ATG10: variants seen among roughly 807,000 people sequenced by gnomAD.
ATG10 encodes ubiquitin-like-conjugating enzyme ATG10.
ATG10 carries 30 observed loss-of-function variants against 32.1 expected under a neutral mutation model. The ratio of observed to expected loss-of-function variants is 0.94; its 90% CI spans 0.70 to 1.27. The LOEUF is 1.27. Ranked by LOEUF, ATG10 falls within the 50% of genes most tolerant of loss-of-function variation. The probability of loss-of-function intolerance (pLI) is 0.00; values close to 1 mark genes in which losing one functional copy is unlikely to be tolerated. For missense variants in ATG10, 233 were observed against 262.3 expected (o/e 0.89, Z 0.77); for synonymous variants, 87 against 91.5 (o/e 0.95, Z 0.28).
chr5:81,981,569 C>T (rs1442559271), intron 1 of ATG10, among the ~76,000 whole-genome samples: 2 of 152,200 alleles, frequency 1.3e-5, no homozygotes, highest in African/African-American at 4.8e-5. Flanking sequence ...CTAGGAGGGA[C>T]AAGTATTCAG....
intron 3 of ATG10, among the ~76,000 whole-genome samples, chr5:82,157,939 C>T (rs1163754140): frequency 6.6e-6 from 1 of 152,134 alleles, no homozygotes; most frequent in Non-Finnish European, 1.5e-5. Context: ...TACGTTTGCT[C>T]AGTAATAGTA....
In ATG10 at chr5:82,093,265, C is replaced by T. The variant is rs77129529; in HGVS notation, c.216+34663C>T. On this transcript the variant is annotated intron_variant, in intron 3 of 7. Transcript: ENST00000282185. ...TATATTAGGCCACTGGAGATTGCCA[C>T]ATAGCTCACTGATGCTCTGTTCATT... Among the ~76,000 whole-genome samples, 252 of 152,314 alleles carry T rather than the reference C, an allele frequency of 1.7e-3. 9 individuals are homozygous for T. The East Asian group carries it at 0.042, about 25-fold the overall frequency.
chr5:82,114,017 A>AT (rs1275980418), intron 3 of ATG10, among the ~76,000 whole-genome samples: 2 of 151,758 alleles, frequency 1.3e-5, no homozygotes, highest in Non-Finnish European at 2.9e-5. Context: ...TTAGTCTATG[A>AT]TTTTTTTCTT....
intron 3 of ATG10, among the ~76,000 whole-genome samples, chr5:82,122,961 A>G (rs1032936048): frequency 6.6e-6 from 1 of 152,216 alleles, no homozygotes; most frequent in Non-Finnish European, 1.5e-5. Flanking sequence ...AACTCCTTAA[A>G]TAGCTAAAAA....
intron 3 of ATG10, among the ~76,000 whole-genome samples, chr5:82,139,461 C>T (rs1463038441): frequency 9.1e-5 from 12 of 131,158 alleles, no homozygotes; most frequent in Admixed American, 5.2e-4. Flanking sequence ...GGCCGCCCAT[C>T]GTCTGAGATG....
chr5:82,157,778 A>G (rs1218181342), intron 3 of ATG10, among the ~76,000 whole-genome samples: 1 of 152,204 alleles, frequency 6.6e-6, no homozygotes, highest in Non-Finnish European at 1.5e-5. Flanking sequence ...TTGTGATGAG[A>G]TGGTTTCTGT....
chr5:81,972,056 C>G lies in ATG10; in HGVS notation c.-263C>G, dbSNP rs982054266. 1.3e-5 allele frequency: 2 copies of G among 151,812 alleles called. No individual in the cohort carries two copies. Among genetic ancestry groups the G allele is most frequent in the African/African-American group, 4.9e-5 (2 of 41,236 alleles). 9.4% of individuals were successfully genotyped at this position (151,812 alleles called of 1,614,324 possible). A position where few individuals can be genotyped will look rare whatever the true frequency, so the allele number is the denominator to read the frequency against. ...CACGCTCCGACTCGGCCGTGGCGGACCTGACTGAAGGAGGCCGCGGACCTG... is the reference window on the plus strand; with the variant it reads ...CACGCTCCGACTCGGCCGTGGCGGAGCTGACTGAAGGAGGCCGCGGACCTG... On this transcript the variant is annotated 5_prime_UTR_variant, in exon 1 of 8. Coordinates refer to ENST00000282185, the MANE Select transcript of ATG10 (RefSeq NM_031482.5).
intron 2 of ATG10, among the ~76,000 whole-genome samples, chr5:82,028,974 T>A (rs1762669686): frequency 6.6e-6 from 1 of 152,192 alleles, no homozygotes; most frequent in Non-Finnish European, 1.5e-5. Flanking sequence ...TAGAAAAGAA[T>A]AATTATTAAG....
At chr5:82,163,747 T>C (rs1172603420) in intron 3 of ATG10, among the ~76,000 whole-genome samples, 1 of 152,202 alleles carries the variant, frequency 6.6e-6, no homozygotes, top group African/African-American at 2.4e-5. Flanking sequence ...GAGATGACTA[T>C]CATCATCTCT....
intron 5 of ATG10, among the ~76,000 whole-genome samples, chr5:82,195,157 C>CACTTCTTGAT (rs1744804205): frequency 6.6e-6 from 1 of 152,174 alleles, no homozygotes; most frequent in African/African-American, 2.4e-5. Context: ...CTTCTTGATG[C>CACTTCTTGAT]ACAAGCCTGA....
At chr5:82,056,048 A>G (rs1763584692) in intron 2 of ATG10, among the ~76,000 whole-genome samples, 1 of 152,188 alleles carries the variant, frequency 6.6e-6, no homozygotes. Context: ...GAATAGCCCA[A>G]TGACGTGTTT....
intron 5 of ATG10, among the ~76,000 whole-genome samples, chr5:82,248,063 G>A (rs570416223): frequency 1.4e-4 from 22 of 152,190 alleles, no homozygotes; most frequent in South Asian, 8.3e-4. Flanking sequence ...TTGGGAACAC[G>A]CTAAAAACTC....
At chr5:82,153,615 C>A (rs1767691478) in intron 3 of ATG10, among the ~76,000 whole-genome samples, 1 of 151,958 alleles carries the variant, frequency 6.6e-6, no homozygotes, top group Non-Finnish European at 1.5e-5. Context: ...GATTAGGATA[C>A]TAAAATGATC....
intron 2 of ATG10, among the ~76,000 whole-genome samples, chr5:82,037,899 A>T (rs1489345721): frequency 3.9e-5 from 6 of 152,116 alleles, no homozygotes; most frequent in African/African-American, 1.4e-4. Flanking sequence ...TCATTTGTGG[A>T]TTCAACTTGA....
chr5:81,981,018 G>C (rs1341867961), intron 1 of ATG10, among the ~76,000 whole-genome samples: 1 of 152,130 alleles, frequency 6.6e-6, no homozygotes, highest in Non-Finnish European at 1.5e-5. Context: ...CTTTGATTTG[G>C]AATATGTATT....
intron 2 of ATG10, among the ~76,000 whole-genome samples, chr5:82,010,990 G>T (rs188180694): frequency 4.6e-5 from 7 of 152,242 alleles, no homozygotes; most frequent in Admixed American, 3.9e-4. Context: ...GTCCAACTTG[G>T]AGCTAAAACT....
intron 1 of ATG10, chr5:81,973,090 T>C (rs756410449): frequency 6.6e-6 from 1 of 152,254 alleles, no homozygotes; most frequent in Non-Finnish European, 1.5e-5. Context: ...ACAGTACTCC[T>C]AAAGGTTGTA....
At chr5:82,217,544 T>A (rs1033531394) in intron 5 of ATG10, among the ~76,000 whole-genome samples, 43 of 152,194 alleles carry the variant, frequency 2.8e-4, no homozygotes, top group African/African-American at 9.9e-4. Flanking sequence ...GCCACATGAA[T>A]CTTTTGTGAC....
At chr5:82,075,622 A>G (rs1321168342) in intron 3 of ATG10, among the ~76,000 whole-genome samples, 3 of 152,194 alleles carry the variant, frequency 2.0e-5, no homozygotes, top group Non-Finnish European at 4.4e-5. Context: ...ATTTTTATTG[A>G]AATATTTTTT....
Sources: gnomAD v4.1 joint callset for allele counts (sites outside exome capture counted in the v4.1 genomes callset) on GRCh38, gnomAD v4.1.1 for gene constraint, MANE v1.5 for transcripts, NCBI Gene and HGNC (gene_info 2026-07-23, HGNC 2026-07-21) for gene names.